The following SYNE3 variants were observed in gnomAD, a reference collection of about 807,000 sequenced individuals.
The protein encoded by SYNE3 is spectrin repeat containing nuclear envelope family member 3.
SYNE3 carries 100 observed loss-of-function variants against 111.2 expected under a neutral mutation model. That is an observed-to-expected ratio of 0.90 (90% confidence interval 0.77 to 1.06). The LOEUF (loss-of-function observed/expected upper bound fraction) is 1.06. Ranked by LOEUF, SYNE3 falls within the 50% of genes least tolerant of loss-of-function variation. The pLI is 0.00. For missense variants in SYNE3, 1,160 were observed against 1,240.3 expected (o/e 0.94, Z 0.97); for synonymous variants, 547 against 533.9 (o/e 1.02, Z -0.34).
intron 2 of SYNE3, among the ~76,000 whole-genome samples, chr14:95,473,456 A>G (rs1235651442): frequency 6.6e-6 from 1 of 152,090 alleles, no homozygotes; most frequent in African/African-American, 2.4e-5. Flanking sequence ...GGGGCTGAGA[A>G]AGGCGGAAAC....
At chr14:95,511,552 T>A (rs959815288) in intron 1 of SYNE3, among the ~76,000 whole-genome samples, 12 of 146,590 alleles carry the variant, frequency 8.2e-5, no homozygotes, top group African/African-American at 1.1e-4. Context: ...TACAAAAAAA[T>A]AATAATAATA....
intron 8 of SYNE3, chr14:95,449,664 A>G (rs1886936840): frequency 3.0e-6 from 3 of 985,404 alleles, no homozygotes; most frequent in Non-Finnish European, 3.6e-6. Flanking sequence ...CAGGAGTGCT[A>G]ATGCCTCCAC....
intron 8 of SYNE3, chr14:95,449,418 C>G: frequency 1.0e-6 from 1 of 985,148 alleles, no homozygotes; most frequent in Non-Finnish European, 1.2e-6. Context: ...CGGCTCCATC[C>G]GGAGCCAGTT....
intron 1 of SYNE3, 66 bp from the exon 2 acceptor site, chr14:95,475,901 C>T (rs56176164): frequency 0.015 from 20,851 of 1,352,890 alleles, 208 homozygotes; most frequent in Middle Eastern, 0.023. Context: ...AGACCCCCGG[C>T]AGGACACCTG....
intron 1 of SYNE3, among the ~76,000 whole-genome samples, chr14:95,487,772 T>C (rs1889621172): frequency 6.6e-6 from 1 of 152,142 alleles, no homozygotes; most frequent in Non-Finnish European, 1.5e-5. Context: ...TTGCATTTCC[T>C]AGAGTTTTGT....
In SYNE3 at chr14:95,475,785, C is replaced by T. The variant is rs549347311; in HGVS notation, c.37G>A (p.Val13Met). ...QQPQDDFDRS[V>M]EDAQAWMKAV... is the part of the protein sequence containing the mutation. Reference sequence around the variant, plus strand: ...TTCATCCATGCCTGGGCATCCTCCACGCTCCTGTCAAAGTCGTCCTGGGGC... The same window carrying T: ...TTCATCCATGCCTGGGCATCCTCCATGCTCCTGTCAAAGTCGTCCTGGGGC... The change falls in exon 2 of 18, where the codon GTG (valine) becomes ATG (methionine). Residue 13 changes from valine to methionine, a missense_variant. By Grantham distance (21) the Val-to-Met change is conservative (BLOSUM62 1). Coordinates refer to ENST00000682763, the MANE Select transcript of SYNE3 (RefSeq NM_152592.6). The T allele has an allele frequency of 4.4e-5, 71 of 1,597,486 alleles. No individual in the cohort carries two copies. The highest frequency in any genetic ancestry group is 9.4e-5 in the African/African-American group (7 of 74,358).
chr14:95,467,095 G>T (rs4900271), intron 3 of SYNE3, among the ~76,000 whole-genome samples: 105,205 of 151,548 alleles, frequency 0.69, 36,742 homozygotes, highest in African/African-American at 0.76. Flanking sequence ...TCAAGTCACT[G>T]TGTTAGGAAT....
At chr14:95,479,224 CAAAAAAAA>C (rs71132351) in intron 1 of SYNE3, among the ~76,000 whole-genome samples, 13 of 86,326 alleles carry the variant, frequency 1.5e-4, no homozygotes, top group African/African-American at 3.2e-4. Flanking sequence ...TCGTCTCTAC[CAAAAAAAA>C]AAAAAAAAAA....
intron 1 of SYNE3, among the ~76,000 whole-genome samples, chr14:95,508,864 G>C (rs2139613278): frequency 6.6e-6 from 1 of 152,336 alleles, no homozygotes; most frequent in Admixed American, 6.5e-5. Flanking sequence ...TCTCTCCCCA[G>C]CCTCAGGTTA....
intron 2 of SYNE3, among the ~76,000 whole-genome samples, chr14:95,471,775 G>T (rs992051585): frequency 3.3e-5 from 5 of 152,238 alleles, no homozygotes; most frequent in Non-Finnish European, 7.3e-5. Context: ...GAAAGTACTT[G>T]AACTGCAGCC....
intron 1 of SYNE3, among the ~76,000 whole-genome samples, 22 bp downstream of exon 1, chr14:95,516,574 C>G (rs1352975483): frequency 7.0e-6 from 1 of 142,250 alleles, no homozygotes; most frequent in Admixed American, 7.4e-5. Flanking sequence ...CAGGCCTGGC[C>G]TCCCGGCCCC....
At chr14:95,439,510 C>T (rs1886285460) in intron 13 of SYNE3, 102 bp downstream of exon 13, 3 of 1,493,018 alleles carry the variant, frequency 2.0e-6, no homozygotes, top group East Asian at 2.3e-5. Flanking sequence ...TGGCTCCACA[C>T]TGGGCAGCAC....
intron 1 of SYNE3, among the ~76,000 whole-genome samples, chr14:95,479,382 T>TA (rs1889092649): frequency 6.6e-6 from 1 of 151,790 alleles, no homozygotes; most frequent in Non-Finnish European, 1.5e-5. Flanking sequence ...AATAAAAATT[T>TA]AAAAAAATTG....
intron 1 of SYNE3, among the ~76,000 whole-genome samples, chr14:95,509,091 A>G (rs1890631011): frequency 6.6e-6 from 1 of 152,218 alleles, no homozygotes; most frequent in Non-Finnish European, 1.5e-5. Flanking sequence ...GGCACAGGCT[A>G]GTGGGGAATC....
At chr14:95,479,323 C>T (rs1344278712) in intron 1 of SYNE3, among the ~76,000 whole-genome samples, 22 of 151,564 alleles carry the variant, frequency 1.5e-4, no homozygotes, top group Admixed American at 1.4e-3. Flanking sequence ...TACCACTGCA[C>T]CCTAGCCTGG....
At position 95,407,448 on chromosome 14, in the gene SYNE3, G is replaced by A. The variant is rs1469480155; in HGVS notation, c.*10378C>T. ...AATATAGCACTAAGAAGAAACTCCG[G>A]GGTCCTGGTGTTCCTCCCTGGATGG... is the stretch of plus-strand genomic sequence containing the variant. On this transcript the variant is annotated 3_prime_UTR_variant, in exon 18 of 18. Transcript: ENST00000682763. The A allele has an allele frequency of 3.3e-5, 5 of 152,098 alleles. No homozygotes were observed. Among genetic ancestry groups the A allele is most frequent in the Middle Eastern group, 3.2e-3 (1 of 316 alleles). The allele number at this position is 152,098 out of a possible 1,614,324, so 9.4% of individuals were successfully genotyped here.
At chr14:95,493,995 A>G (rs1889967325) in intron 1 of SYNE3, among the ~76,000 whole-genome samples, 1 of 152,132 alleles carries the variant, frequency 6.6e-6, no homozygotes, top group Non-Finnish European at 1.5e-5. Context: ...GATTCCAGAG[A>G]TAGTAGCTGG....
In SYNE3 at chr14:95,410,292, C is replaced by T. The variant is rs1159869492; in HGVS notation, c.*7534G>A. ...ACAGCCAAGGCATGGAGGGTCAGGACAAACTCTGGTTTTCTCCTCCAATTG... is the reference window on the plus strand; with the variant it reads ...ACAGCCAAGGCATGGAGGGTCAGGATAAACTCTGGTTTTCTCCTCCAATTG... On this transcript the variant is annotated 3_prime_UTR_variant, in exon 18 of 18. Coordinates refer to ENST00000682763, the MANE Select transcript of SYNE3 (RefSeq NM_152592.6). The T allele has an allele frequency of 1.3e-5, 2 of 152,266 alleles. No homozygotes were observed. Among genetic ancestry groups the T allele is most frequent in the African/African-American group, 4.8e-5 (2 of 41,468 alleles). The allele number at this position is 152,266 out of a possible 1,614,324, so 9.4% of individuals were successfully genotyped here.
At chr14:95,420,054 T>C (rs1885027380) in intron 17 of SYNE3, among the ~76,000 whole-genome samples, 2 of 151,586 alleles carry the variant, frequency 1.3e-5, no homozygotes, top group South Asian at 4.2e-4. Context: ...CCCCTCCAGA[T>C]GATAACGCTT....
Sources: gnomAD v4.1 joint callset for allele counts (sites outside exome capture counted in the v4.1 genomes callset) on GRCh38, gnomAD v4.1.1 for gene constraint, MANE v1.5 for transcripts, NCBI Gene and HGNC (gene_info 2026-07-23, HGNC 2026-07-21) for gene names.